Variants in ITGA11 observed in about 807,000 individuals in gnomAD.
ITGA11 encodes the protein integrin alpha-11.
ITGA11 carries 97 observed loss-of-function variants against 141.9 expected under a neutral mutation model. The ratio of observed to expected loss-of-function variants is 0.68; its 90% confidence interval spans 0.58 to 0.81. The LOEUF is 0.81. Ranked by LOEUF, ITGA11 falls within the 30% of genes least tolerant of loss-of-function variation. ITGA11 has a pLI of 0.00. For missense variants in ITGA11, 1,387 were observed against 1,559.2 expected (o/e 0.89, Z 1.86); for synonymous variants, 658 against 624.6 (o/e 1.05, Z -0.80).
At chr15:68,385,686 G>A (rs898755581) in intron 2 of ITGA11, among the ~76,000 whole-genome samples, 7 of 152,154 alleles carry the variant, frequency 4.6e-5, no homozygotes, top group Middle Eastern at 3.2e-3. Flanking sequence ...GGTAGTTTTC[G>A]CCTAAGTGCT....
intron 7 of ITGA11, among the ~76,000 whole-genome samples, chr15:68,354,501 C>T (rs373163561): frequency 6.6e-6 from 1 of 152,198 alleles, no homozygotes; most frequent in African/African-American, 2.4e-5. Context: ...TTACATGGCT[C>T]ACTTCCCACC....
intron 2 of ITGA11, among the ~76,000 whole-genome samples, chr15:68,400,665 T>TAA (rs1896458608): frequency 2.1e-5 from 1 of 48,730 alleles, no homozygotes; most frequent in Non-Finnish European, 3.3e-5. Flanking sequence ...AATAAATATA[T>TAA]TATATATTAT....
chr15:68,317,381 A>G lies in ITGA11; in HGVS notation c.2617-18T>C, dbSNP rs767303390. The G allele has an allele frequency of 3.9e-6, 6 of 1,557,310 alleles. No homozygotes were observed. In the South Asian group the frequency reaches 5.6e-5, roughly 14 times the overall value. ...GAGTCCTCCTGGAGGTGGGTGGCAG[A>G]CATCATGGCAGCAGTTAGGTGGGGC... On this transcript the variant is annotated intron_variant, in intron 20 of 29. Transcript: ENST00000315757.
chr15:68,391,223 C>T (rs1567154513), intron 2 of ITGA11, among the ~76,000 whole-genome samples: 1 of 152,136 alleles, frequency 6.6e-6, no homozygotes, highest in African/African-American at 2.4e-5. Context: ...CCAAGGCCAC[C>T]CTCTCTGTTT....
At chr15:68,362,937 A>G (rs62001404) in intron 4 of ITGA11, among the ~76,000 whole-genome samples, 1 of 12,042 alleles carries the variant, frequency 8.3e-5, no homozygotes, top group African/African-American at 1.8e-4. Flanking sequence ...ATGATGGATG[A>G]ATGGATGATG....
intron 2 of ITGA11, among the ~76,000 whole-genome samples, chr15:68,369,868 A>C (rs1483517510): frequency 6.6e-6 from 1 of 152,210 alleles, no homozygotes; most frequent in Non-Finnish European, 1.5e-5. Context: ...CTTTGGAAAA[A>C]GTGTCTTTGC....
chr15:68,371,912 CAAGGG>C (rs1412634190), intron 2 of ITGA11, among the ~76,000 whole-genome samples: 2 of 152,156 alleles, frequency 1.3e-5, no homozygotes, highest in South Asian at 2.1e-4. Flanking sequence ...TTTCAAAGAA[CAAGGG>C]CCACTCCCTG....
intron 6 of ITGA11, among the ~76,000 whole-genome samples, chr15:68,357,964 T>C (rs1168020587): frequency 6.6e-6 from 1 of 152,210 alleles, no homozygotes; most frequent in Non-Finnish European, 1.5e-5. Flanking sequence ...ATTTCTTAGA[T>C]TGACTTGAAA....
In ITGA11 at chr15:68,304,317, C is replaced by G. The variant is rs1893122597; in HGVS notation, c.3382-432G>C. ...TCAGGGCTGACTTTCCCACGAGTCA[C>G]AGTAGTCATGGTGCCAAGGCCCATA... On this transcript the variant is annotated intron_variant, in intron 28 of 29. Coordinates refer to ENST00000315757, the MANE Select transcript of ITGA11 (RefSeq NM_001004439.2). The surrounding 1 kb of genome is among the most constrained non-coding windows in gnomAD (Gnocchi z 6.1). Among the ~76,000 whole-genome samples, 1 of 152,170 alleles carries G rather than the reference C, an allele frequency of 6.6e-6. No homozygotes were observed. The highest frequency in any genetic ancestry group is 1.5e-5 in the Non-Finnish European group (1 of 68,036).
chr15:68,384,682 T>C (rs1409703627), intron 2 of ITGA11, among the ~76,000 whole-genome samples: 1 of 152,254 alleles, frequency 6.6e-6, no homozygotes, highest in Non-Finnish European at 1.5e-5. Flanking sequence ...CATCCTATCC[T>C]GGGCTTCGCT....
At chr15:68,375,036 C>T (rs912871378) in intron 2 of ITGA11, among the ~76,000 whole-genome samples, 1 of 152,166 alleles carries the variant, frequency 6.6e-6, no homozygotes, top group East Asian at 1.9e-4. Context: ...CAGGACTCCT[C>T]GTCCTGTGCT....
chr15:68,307,685 G>C lies in ITGA11; in HGVS notation c.3186C>G (p.Asn1062Lys). 1 of 1,612,666 alleles carries C rather than the reference G, an allele frequency of 6.2e-7. No homozygotes were observed. The highest frequency in any genetic ancestry group is 8.5e-7 in the Non-Finnish European group (1 of 1,178,778). The part of the protein sequence containing the change: ...LRRAPQLNHS[N>K]SDVVSINCNI... ...TGCAGTTGATGGAGACGACATCAGAGTTGCTGTGATTCTGAAAGAGAAGAT... is the reference window on the plus strand; with the variant it reads ...TGCAGTTGATGGAGACGACATCAGACTTGCTGTGATTCTGAAAGAGAAGAT... Residue 1062 changes from asparagine (N) to lysine (K), a missense_variant, in exon 27 of 30, where the codon AAC becomes AAG. Asn to Lys is a moderately conservative substitution (Grantham distance 94, BLOSUM62 0). Coordinates refer to ENST00000315757, the MANE Select transcript of ITGA11 (RefSeq NM_001004439.2). This position sits in a 1 kb window ranked among gnomAD's most constrained non-coding sequence, Gnocchi z 6.1.
chr15:68,426,776 A>C (rs982553983), intron 1 of ITGA11, among the ~76,000 whole-genome samples: 12 of 152,116 alleles, frequency 7.9e-5, no homozygotes, highest in African/African-American at 2.9e-4. Flanking sequence ...GCACTTTGGG[A>C]GGCCAAGGCA....
At chr15:68,361,505 T>A (rs1895242092) in intron 5 of ITGA11, 85 bp downstream of exon 5, 1 of 868,810 alleles carries the variant, frequency 1.2e-6, no homozygotes, top group African/African-American at 1.7e-5. Flanking sequence ...TACTGCTTTC[T>A]AGCCACAGGT....
chr15:68,376,189 C>T (rs959665067), intron 2 of ITGA11, among the ~76,000 whole-genome samples: 31 of 151,576 alleles, frequency 2.0e-4, no homozygotes, highest in East Asian at 7.7e-4. Flanking sequence ...CTCTTCACCA[C>T]GCCTTCTGAG....
chr15:68,313,713 C>CG lies in ITGA11; in HGVS notation c.2882+65_2882+66insC, dbSNP rs570726241. Reference sequence around the variant, plus strand: ...TTAGGGCCCATCAGAGGATGCCCCCCCTTAGGCCTCCCTCCTCCCATTCCC... The same window carrying CG: ...TTAGGGCCCATCAGAGGATGCCCCCCGCTTAGGCCTCCCTCCTCCCATTCCC... On this transcript the variant is annotated intron_variant, in intron 23 of 29. Coordinates refer to ENST00000315757, the MANE Select transcript of ITGA11 (RefSeq NM_001004439.2). 2.7e-4 allele frequency: 346 copies of CG among 1,274,160 alleles called. 2 individuals carry two copies. In the South Asian group the frequency reaches 3.3e-3, roughly 12 times the overall value. 78.9% of individuals were successfully genotyped at this position (1,274,160 alleles called of 1,614,324 possible).
intron 2 of ITGA11, among the ~76,000 whole-genome samples, chr15:68,369,939 A>C (rs1380510005): frequency 6.6e-6 from 1 of 152,196 alleles, no homozygotes. Flanking sequence ...GGTGGACCCT[A>C]AATTCAATGG....
intron 2 of ITGA11, among the ~76,000 whole-genome samples, chr15:68,395,291 T>C (rs1353168646): frequency 2.0e-5 from 3 of 152,110 alleles, no homozygotes; most frequent in African/African-American, 7.2e-5. Flanking sequence ...TCGCAGATCC[T>C]CACCAGCAAT....
In ITGA11 at chr15:68,328,254, G is replaced by A. The variant is rs753198453; in HGVS notation, c.1910C>T (p.Pro637Leu). 6.2e-6 allele frequency: 10 copies of A among 1,613,310 alleles called. No homozygotes were observed. In the Admixed American group the frequency reaches 1.0e-4, roughly 16 times the overall value. The change falls in exon 16 of 30, where the codon CCA (proline) becomes CTA (leucine). Residue 637 changes from proline (P) to leucine (L), a missense_variant. Physicochemically the swap from Pro to Leu is moderately conservative, Grantham distance 98. Coordinates refer to ENST00000315757, the MANE Select transcript of ITGA11 (RefSeq NM_001004439.2). The surrounding 1 kb of genome is among the most constrained non-coding windows in gnomAD (Gnocchi z 4.8). ...GAGGCTGGCATTGATCTGAACCACT[G>A]GGCGGGACCTGGAGGAGAAGGGCCA... ...LGNAVILWSRPVVQINASLHF... is the reference protein window; with the variant it reads ...LGNAVILWSRLVVQINASLHF...
Sources: gnomAD v4.1 joint callset for allele counts (sites outside exome capture counted in the v4.1 genomes callset) on GRCh38, gnomAD v4.1.1 for gene constraint, Gnocchi (gnomAD v3.1) non-coding constraint, MANE v1.5 for transcripts, NCBI Gene and HGNC (gene_info 2026-07-23, HGNC 2026-07-21) for gene names.